The following SMYD3 variants were observed in gnomAD, a reference collection of about 807,000 sequenced individuals.
SMYD3 encodes SET and MYND domain containing 3, also known as histone-lysine N-methyltransferase SMYD3.
SMYD3 carries 36 observed loss-of-function variants against 57.7 expected under a neutral mutation model. The ratio of observed to expected loss-of-function variants is 0.62; its 90% CI spans 0.48 to 0.82. The LOEUF (loss-of-function observed/expected upper bound fraction) is 0.82, where lower values mean the gene tolerates loss of function less well. Among genes scored for constraint, SMYD3 ranks in the 40% least tolerant of loss-of-function variants. SMYD3 has a pLI of 0.00. For missense variants in SMYD3, 515 were observed against 538.8 expected (o/e 0.96, Z 0.44); for synonymous variants, 211 against 195.0 (o/e 1.08, Z -0.68).
intron 5 of SMYD3, among the ~76,000 whole-genome samples, chr1:246,248,808 ATTTT>A (rs1164274725): frequency 1.1e-5 from 1 of 90,446 alleles, no homozygotes; most frequent in Non-Finnish European, 2.0e-5. Flanking sequence ...TGCCCGGCTA[ATTTT>A]TTTTTTTTTT....
intron 5 of SMYD3, among the ~76,000 whole-genome samples, chr1:246,260,746 A>G (rs1322363027): frequency 6.6e-6 from 1 of 151,944 alleles, no homozygotes; most frequent in Non-Finnish European, 1.5e-5. Flanking sequence ...TTCCTTCTTG[A>G]AAAAAAGCTC....
chr1:245,889,660 T>C (rs1238864696), intron 8 of SMYD3, among the ~76,000 whole-genome samples: 1 of 152,232 alleles, frequency 6.6e-6, no homozygotes, highest in Non-Finnish European at 1.5e-5. Context: ...AATTCTTACA[T>C]GGCAAATTCT....
chr1:245,915,872 A>T (rs1325047674), intron 7 of SMYD3, among the ~76,000 whole-genome samples: 5 of 152,218 alleles, frequency 3.3e-5, no homozygotes, highest in African/African-American at 1.2e-4. Context: ...TCATATATTT[A>T]AAGAACGGGT....
intron 5 of SMYD3, among the ~76,000 whole-genome samples, chr1:246,187,810 T>C (rs2062666229): frequency 6.6e-6 from 1 of 152,122 alleles, no homozygotes; most frequent in Non-Finnish European, 1.5e-5. Context: ...TTGGAGATAA[T>C]GACAATGCAA....
intron 5 of SMYD3, among the ~76,000 whole-genome samples, chr1:246,230,278 A>G (rs1047780500): frequency 2.0e-5 from 3 of 152,186 alleles, no homozygotes; most frequent in African/African-American, 4.8e-5. Context: ...TTTTTTTCAC[A>G]TGTAAAGAAA....
chr1:246,161,556 G>C (rs1489490913), intron 5 of SMYD3, among the ~76,000 whole-genome samples: 1 of 152,034 alleles, frequency 6.6e-6, no homozygotes, highest in East Asian at 1.9e-4. Context: ...CCTCCACCTT[G>C]GTATATCATG....
In SMYD3 at chr1:246,053,877, C is replaced by A. The variant is rs372608822; in HGVS notation, c.532-123940G>T. ...TGTGACTTTCCCTAAGAAAATATTT[C>A]TTAAATAAAAGAAGAAAACACAAAC... On this transcript the variant is annotated intron_variant, in intron 5 of 11. Coordinates refer to ENST00000490107, the MANE Select transcript of SMYD3 (RefSeq NM_001167740.2). Among the ~76,000 whole-genome samples, 9 of 151,568 alleles carry A rather than the reference C, an allele frequency of 5.9e-5. No individual in the cohort carries two copies. The East Asian group carries it at 1.6e-3, about 26-fold the overall frequency.
intron 5 of SMYD3, among the ~76,000 whole-genome samples, chr1:246,099,960 A>C (rs2060980404): frequency 6.6e-6 from 1 of 152,226 alleles, no homozygotes. Flanking sequence ...GGGCGATTTA[A>C]AATCATAATA....
intron 1 of SMYD3, among the ~76,000 whole-genome samples, chr1:246,396,429 A>G (rs1187431198): frequency 6.6e-6 from 1 of 152,170 alleles, no homozygotes; most frequent in African/African-American, 2.4e-5. Context: ...TTAGCATCCT[A>G]TCTGGACCAT....
intron 5 of SMYD3, among the ~76,000 whole-genome samples, chr1:246,047,066 G>A (rs906143904): frequency 1.3e-5 from 2 of 152,132 alleles, no homozygotes; most frequent in African/African-American, 4.8e-5. Context: ...AAAATGTCAT[G>A]CTTTCTAAAC....
chr1:246,194,047 T>C (rs924811022), intron 5 of SMYD3, among the ~76,000 whole-genome samples: 1 of 152,160 alleles, frequency 6.6e-6, no homozygotes, highest in African/African-American at 2.4e-5. Flanking sequence ...TACGCTGTTT[T>C]TATGTACTTC....
chr1:246,268,180 A>T (rs1205472335), intron 5 of SMYD3, among the ~76,000 whole-genome samples: 1 of 152,204 alleles, frequency 6.6e-6, no homozygotes, highest in African/African-American at 2.4e-5. Context: ...GGAGGTCGGC[A>T]CAAGATAAAG....
chr1:246,352,034 G>A (rs2065836290), intron 2 of SMYD3, among the ~76,000 whole-genome samples: 1 of 151,350 alleles, frequency 6.6e-6, no homozygotes. Flanking sequence ...TACCTGGGGA[G>A]GCTGAGGCCC....
intron 5 of SMYD3, among the ~76,000 whole-genome samples, chr1:246,085,200 G>A (rs1171828883): frequency 6.6e-6 from 1 of 152,136 alleles, no homozygotes. Context: ...ATCTGGGTTA[G>A]TTTCCACTCA....
At chr1:246,197,923 A>G (rs1005073736) in intron 5 of SMYD3, among the ~76,000 whole-genome samples, 2 of 152,234 alleles carry the variant, frequency 1.3e-5, no homozygotes, top group African/African-American at 4.8e-5. Context: ...ATCATACTGC[A>G]TACAATTAAA....
At chr1:246,430,702 A>G (rs915796756) in intron 1 of SMYD3, among the ~76,000 whole-genome samples, 5 of 152,208 alleles carry the variant, frequency 3.3e-5, no homozygotes, top group African/African-American at 9.7e-5. Context: ...CTAAGCTAAG[A>G]GTTTTTATCT....
At chr1:246,243,234 T>A (rs968982330) in intron 5 of SMYD3, among the ~76,000 whole-genome samples, 9 of 151,980 alleles carry the variant, frequency 5.9e-5, no homozygotes, top group African/African-American at 2.2e-4. Flanking sequence ...CTTCTAGAAT[T>A]AAATGCTGCA....
At chr1:246,443,487 A>G (rs1257282258) in intron 1 of SMYD3, among the ~76,000 whole-genome samples, 1 of 152,254 alleles carries the variant, frequency 6.6e-6, no homozygotes, top group Non-Finnish European at 1.5e-5. Context: ...GATTAATGTA[A>G]TGAAAGTTAT....
intron 5 of SMYD3, among the ~76,000 whole-genome samples, chr1:246,159,751 C>G (rs1162952491): frequency 1.3e-5 from 2 of 152,192 alleles, no homozygotes; most frequent in African/African-American, 4.8e-5. Context: ...GACGGAAGCA[C>G]AGCCCAGGAA....
Sources: allele counts gnomAD v4.1 joint callset (sites outside exome capture counted in the v4.1 genomes callset), GRCh38; gene constraint gnomAD v4.1.1; transcripts MANE v1.5; gene names NCBI Gene and HGNC (gene_info 2026-07-23, HGNC 2026-07-21).